Variants in TP63 observed in about 807,000 individuals in gnomAD.
TP63 encodes the protein tumor protein 63.
Under a neutral mutation model 82.8 loss-of-function variants are expected in TP63, and 17 were observed. The ratio of observed to expected loss-of-function variants is 0.21; its 90% CI spans 0.14 to 0.31. The LOEUF is 0.31. Among genes scored for constraint, TP63 ranks in the 10% least tolerant of loss-of-function variants. TP63 has a pLI of 1.00. For synonymous variants in TP63, 330 were observed against 321.7 expected, an observed-to-expected ratio of 1.03 and a Z score of -0.28; for missense variants, 648 against 895.3, an observed-to-expected ratio of 0.72 and a Z score of 3.52.
intron 3 of TP63, among the ~76,000 whole-genome samples, chr3:189,748,508 C>CAAA (rs58926854): frequency 0.044 from 1,352 of 30,806 alleles, 6 homozygotes; most frequent in East Asian, 0.13. Context: ...AGGAAAACTA[C>CAAA]AAAAAAAAAA....
intron 10 of TP63, among the ~76,000 whole-genome samples, chr3:189,885,441 C>T (rs904762877): frequency 1.3e-5 from 2 of 152,154 alleles, no homozygotes; most frequent in African/African-American, 4.8e-5. Flanking sequence ...ATATAGTTTT[C>T]TTGTGAGAAA....
chr3:189,761,494 T>C (rs1722567046), intron 3 of TP63, among the ~76,000 whole-genome samples: 1 of 142,440 alleles, frequency 7.0e-6, no homozygotes, highest in Non-Finnish European at 1.6e-5. Context: ...GTTCCTCATC[T>C]CCACCTGTGA....
At chr3:189,777,138 C>G (rs79105831) in intron 3 of TP63, among the ~76,000 whole-genome samples, 5,571 of 152,218 alleles carry the variant, frequency 0.037, 348 homozygotes, top group African/African-American at 0.13. Flanking sequence ...CTTTCCTACT[C>G]TATCTTCCAT....
At chr3:189,601,121 G>A in the TP63 span, among the ~76,000 whole-genome samples, 1 of 152,190 alleles carries the variant, frequency 6.6e-6, no homozygotes, top group African/African-American at 2.4e-5. Flanking sequence ...ATGTTTTAAA[G>A]CCTTCTTCAG....
chr3:189,657,117 A>G (rs1713449189), intron 1 of TP63, among the ~76,000 whole-genome samples: 1 of 152,064 alleles, frequency 6.6e-6, no homozygotes, highest in Non-Finnish European at 1.5e-5. Context: ...TGATTTTGTG[A>G]CATGCTGTAA....
At chr3:189,885,953 G>A (rs1720402872) in intron 10 of TP63, among the ~76,000 whole-genome samples, 1 of 152,198 alleles carries the variant, frequency 6.6e-6, no homozygotes, top group Admixed American at 6.5e-5. Flanking sequence ...TATACAGAAA[G>A]CTACAAATGG....
At chr3:189,601,452 T>C in the TP63 span, among the ~76,000 whole-genome samples, 1 of 152,076 alleles carries the variant, frequency 6.6e-6, no homozygotes, top group Non-Finnish European at 1.5e-5. Flanking sequence ...ATCCTGAACC[T>C]CCCTGGAACC....
At chr3:189,640,569 A>T (rs1389708650) in intron 1 of TP63, among the ~76,000 whole-genome samples, 2 of 152,150 alleles carry the variant, frequency 1.3e-5, no homozygotes, top group Non-Finnish European at 2.9e-5. Context: ...TGCTGAACAA[A>T]AGGCTTCAGT....
In TP63 at chr3:189,737,740, T is replaced by G; in HGVS notation, c.63T>G (p.Arg21=). The stretch of plus-strand genomic sequence containing the variant: ...CTAGTTTCATTTTTGTCCTTTTAAG[T>G]TTCGTAGAAACCCCAGCTCATTTCT... ...LQYCPDPYIQ[R]FVETPAHFSW... Residue 21 remains arginine (R), a splice_region_variant and synonymous_variant, in exon 2 of 14, where the codon CGT becomes CGG. Transcript: ENST00000264731. 6.2e-7 allele frequency: 1 copy of G among 1,613,876 alleles called. No individual in the cohort carries two copies. Among genetic ancestry groups the G allele is most frequent in the Non-Finnish European group, 8.5e-7 (1 of 1,179,782 alleles).
intron 10 of TP63, chr3:189,881,528 CT>C (rs1719913168): frequency 2.0e-6 from 2 of 984,924 alleles, no homozygotes; most frequent in Middle Eastern, 5.2e-4. Flanking sequence ...GTCTCTCTCA[CT>C]TTTTTTCCAC....
At chr3:189,811,873 G>C (rs1426540100) in intron 4 of TP63, among the ~76,000 whole-genome samples, 1 of 152,174 alleles carries the variant, frequency 6.6e-6, no homozygotes, top group African/African-American at 2.4e-5. Context: ...AGCAGGCAGT[G>C]CCTGTGTAGT....
intron 1 of TP63, among the ~76,000 whole-genome samples, chr3:189,680,460 C>A (rs1167924056): frequency 6.6e-6 from 1 of 152,100 alleles, no homozygotes; most frequent in Non-Finnish European, 1.5e-5. Flanking sequence ...TCCACTGATA[C>A]TAAATCCGCC....
At chr3:189,734,452 A>T (rs1720425523) in intron 1 of TP63, among the ~76,000 whole-genome samples, 1 of 152,066 alleles carries the variant, frequency 6.6e-6, no homozygotes, top group African/African-American at 2.4e-5. Context: ...GATGTAACCT[A>T]TTCAGTGAAA....
the TP63 span, among the ~76,000 whole-genome samples, chr3:189,603,573 A>G: frequency 6.7e-6 from 1 of 150,048 alleles, no homozygotes; most frequent in East Asian, 2.0e-4. Flanking sequence ...CTTGCCAGGA[A>G]CTACCGGACA....
intron 1 of TP63, among the ~76,000 whole-genome samples, chr3:189,657,020 C>CAA (rs71173299): frequency 6.3e-5 from 9 of 143,632 alleles, no homozygotes; most frequent in African/African-American, 2.4e-4. Context: ...ATGAAGCATG[C>CAA]AAAAAAAAAA....
At chr3:189,661,502 T>C (rs1329108862) in intron 1 of TP63, among the ~76,000 whole-genome samples, 2 of 152,076 alleles carry the variant, frequency 1.3e-5, no homozygotes, top group African/African-American at 4.8e-5. Flanking sequence ...TTTTTGTGTC[T>C]ATGTTCATCA....
Position 189,808,302 on chromosome 3 carries a change from A to G in TP63, c.355A>G (p.Ser119Gly). The G allele has an allele frequency of 6.2e-7, 1 of 1,614,200 alleles. No individual in the cohort carries two copies. Among genetic ancestry groups the G allele is most frequent in the Non-Finnish European group, 8.5e-7 (1 of 1,180,036 alleles). ...PQYTNLGLLN[S>G]MDQQIQNGSS... ...GTACACGAACCTGGGGCTCCTGAAC[A>G]GCATGGACCAGCAGATTCAGAACGG... The change falls in exon 4 of 14, where the codon AGC becomes GGC. Residue 119 changes from serine (S) to glycine (G), a missense_variant. Transcript: ENST00000264731.
chr3:189,649,842 G>C (rs899185350), intron 1 of TP63, among the ~76,000 whole-genome samples: 1 of 146,704 alleles, frequency 6.8e-6, no homozygotes, highest in Non-Finnish European at 1.5e-5. Flanking sequence ...AGGGAAATAG[G>C]AGAAGAGAGC....
At position 189,650,491 on chromosome 3, in the gene TP63, C is replaced by G. The variant is rs1176787633; in HGVS notation, c.62+18914C>G. ...GATTGAATCATGGGGGCAGTTTCCC[C>G]CATCCTGTTCTCATGATAGTGAGTT... On this transcript the variant is annotated intron_variant, in intron 1 of 13. Transcript: ENST00000264731. Among the ~76,000 whole-genome samples the G allele has an allele frequency of 1.4e-5, 2 of 146,090 alleles. 1 individual carries two copies. The highest frequency in any genetic ancestry group is 5.1e-5 in the African/African-American group (2 of 38,850).
Sources: gnomAD v4.1 joint callset for allele counts (sites outside exome capture counted in the v4.1 genomes callset) on GRCh38, gnomAD v4.1.1 for gene constraint, MANE v1.5 for transcripts, NCBI Gene and HGNC (gene_info 2026-07-23, HGNC 2026-07-21) for gene names.